GALNTL6: variants seen among roughly 807,000 people sequenced by gnomAD.
The protein encoded by GALNTL6 is polypeptide N-acetylgalactosaminyltransferase-like 6.
Under a neutral mutation model 73.7 loss-of-function variants are expected in GALNTL6, and 46 were observed. The ratio of observed to expected loss-of-function variants is 0.62; its 90% CI spans 0.49 to 0.80. The LOEUF (loss-of-function observed/expected upper bound fraction) is 0.80, where lower values mean the gene tolerates loss of function less well. Among genes scored for constraint, GALNTL6 ranks in the 30% least tolerant of loss-of-function variants. GALNTL6 has a pLI of 0.00. For missense variants in GALNTL6, 604 were observed against 755.0 expected (o/e 0.80, Z 2.34); for synonymous variants, 259 against 263.7 (o/e 0.98, Z 0.17).
intron 3 of GALNTL6, among the ~76,000 whole-genome samples, chr4:172,273,683 G>A (rs1738734135): frequency 6.6e-6 from 1 of 152,146 alleles, no homozygotes; most frequent in African/African-American, 2.4e-5. Flanking sequence ...CAATTATAAG[G>A]AAAGAACAGC....
chr4:172,501,401 A>T (rs182737408), intron 5 of GALNTL6, among the ~76,000 whole-genome samples: 3 of 152,174 alleles, frequency 2.0e-5, no homozygotes, highest in African/African-American at 7.2e-5. Flanking sequence ...TTTTTGCTAG[A>T]CTTATTGTGG....
At chr4:172,917,195 AT>A (rs1747567531) in intron 8 of GALNTL6, among the ~76,000 whole-genome samples, 2 of 152,254 alleles carry the variant, frequency 1.3e-5, no homozygotes, top group African/African-American at 4.8e-5. Context: ...GGCTAGCCAT[AT>A]GCAGGAAGCT....
intron 5 of GALNTL6, among the ~76,000 whole-genome samples, chr4:172,737,222 T>C (rs1683365296): frequency 6.6e-6 from 1 of 152,208 alleles, no homozygotes; most frequent in Non-Finnish European, 1.5e-5. Context: ...CTTGCTCAGC[T>C]CCCTCTTGAA....
chr4:171,832,286 T>C (rs570302234), intron 2 of GALNTL6, among the ~76,000 whole-genome samples: 9 of 148,118 alleles, frequency 6.1e-5, no homozygotes, highest in African/African-American at 2.2e-4. Flanking sequence ...TCTATATATG[T>C]TTTCAGTCTT....
intron 2 of GALNTL6, among the ~76,000 whole-genome samples, chr4:172,128,149 T>C (rs1003051962): frequency 2.0e-4 from 30 of 152,006 alleles, no homozygotes; most frequent in Admixed American, 1.1e-3. Flanking sequence ...CAGGCAAAAA[T>C]GTACAGTGAC....
At chr4:172,754,956 C>A (rs972538818) in intron 5 of GALNTL6, among the ~76,000 whole-genome samples, 2 of 152,144 alleles carry the variant, frequency 1.3e-5, no homozygotes, top group East Asian at 1.9e-4. Flanking sequence ...CTCAGTCCAA[C>A]TCTTGTGTCA....
intron 5 of GALNTL6, among the ~76,000 whole-genome samples, chr4:172,351,504 A>G (rs1355704068): frequency 6.6e-6 from 1 of 152,138 alleles, no homozygotes; most frequent in Non-Finnish European, 1.5e-5. Context: ...TTACTATTAG[A>G]AGAAAAGGAA....
At chr4:172,806,754 T>C (rs1004245934) in intron 5 of GALNTL6, among the ~76,000 whole-genome samples, 2 of 152,140 alleles carry the variant, frequency 1.3e-5, no homozygotes, top group Admixed American at 6.5e-5. Context: ...TAACAAATAT[T>C]GATGATCTGT....
chr4:172,163,307 T>G (rs1423502958), intron 2 of GALNTL6, among the ~76,000 whole-genome samples: 1 of 152,034 alleles, frequency 6.6e-6, no homozygotes, highest in Non-Finnish European at 1.5e-5. Flanking sequence ...AAATGCCTCA[T>G]TTTTAGATAT....
At chr4:172,342,208 G>A (rs529785729) in intron 4 of GALNTL6, among the ~76,000 whole-genome samples, 2 of 151,958 alleles carry the variant, frequency 1.3e-5, no homozygotes, top group South Asian at 2.1e-4. Flanking sequence ...AAACGTTTGA[G>A]CTAATCAAGT....
intron 5 of GALNTL6, among the ~76,000 whole-genome samples, chr4:172,648,019 G>A (rs1207904209): frequency 6.6e-6 from 1 of 152,152 alleles, no homozygotes; most frequent in Admixed American, 6.5e-5. Flanking sequence ...TTGTAAAACA[G>A]TCTCTCTGAG....
At chr4:172,946,191 A>G (rs1284030416) in intron 9 of GALNTL6, among the ~76,000 whole-genome samples, 13 of 152,042 alleles carry the variant, frequency 8.6e-5, no homozygotes, top group Admixed American at 7.9e-4. Context: ...ACCATAATAC[A>G]ATAGCTTAAT....
At chr4:172,533,756 A>G (rs1579162498) in intron 5 of GALNTL6, among the ~76,000 whole-genome samples, 1 of 152,158 alleles carries the variant, frequency 6.6e-6, no homozygotes, top group Admixed American at 6.5e-5. Flanking sequence ...CTATTTCCTC[A>G]TGGAAATGAT....
At chr4:172,537,725 A>C (rs1333887645) in intron 5 of GALNTL6, among the ~76,000 whole-genome samples, 1 of 152,214 alleles carries the variant, frequency 6.6e-6, no homozygotes, top group Non-Finnish European at 1.5e-5. Flanking sequence ...AGTTCTAAAA[A>C]AAGAAGAAAA....
At chr4:172,763,881 A>G (rs752699800) in intron 5 of GALNTL6, among the ~76,000 whole-genome samples, 6 of 152,254 alleles carry the variant, frequency 3.9e-5, no homozygotes, top group African/African-American at 7.2e-5. Context: ...ATTCAAAGAA[A>G]TATCAATGAC....
chr4:172,311,824 G>A (rs1177299780), intron 4 of GALNTL6, 72 bp downstream of exon 4: 26 of 1,030,124 alleles, frequency 2.5e-5, no homozygotes, highest in Non-Finnish European at 3.4e-5. Flanking sequence ...TTTTTTAAAT[G>A]TGTATCACTG....
At chr4:172,046,682 G>C (rs747747078) in intron 2 of GALNTL6, among the ~76,000 whole-genome samples, 9 of 152,104 alleles carry the variant, frequency 5.9e-5, no homozygotes, top group Non-Finnish European at 1.0e-4. Context: ...TCTGAGGAAT[G>C]TCTATTCAGG....
chr4:172,550,142 G>T (rs1735904747), intron 5 of GALNTL6, among the ~76,000 whole-genome samples: 1 of 151,912 alleles, frequency 6.6e-6, no homozygotes, highest in Non-Finnish European at 1.5e-5. Flanking sequence ...ATATATAGTT[G>T]TACAATTACA....
chr4:172,228,942 A>C (rs1332450703), intron 2 of GALNTL6, among the ~76,000 whole-genome samples: 1 of 152,238 alleles, frequency 6.6e-6, no homozygotes, highest in Non-Finnish European at 1.5e-5. Flanking sequence ...TGAATGGGTG[A>C]TAATTTCAAC....
Sources: gnomAD v4.1 joint callset for allele counts (sites outside exome capture counted in the v4.1 genomes callset) on GRCh38, gnomAD v4.1.1 for gene constraint, MANE v1.5 for transcripts, NCBI Gene and HGNC (gene_info 2026-07-23, HGNC 2026-07-21) for gene names.